INO80D: variants seen among roughly 807,000 people sequenced by gnomAD.
The protein encoded by INO80D is INO80 complex subunit D.
A neutral mutation model predicts 87.6 loss-of-function variants in INO80D; 21 were observed. That is an observed-to-expected ratio of 0.24 (90% confidence interval 0.17 to 0.35). The LOEUF (loss-of-function observed/expected upper bound fraction) is 0.35. Ranked by LOEUF, INO80D falls within the 10% of genes least tolerant of loss-of-function variation. The pLI is 1.00. For synonymous variants in INO80D, 440 were observed against 491.0 expected (o/e 0.90, Z 1.37); for missense variants, 982 against 1,280.7 (o/e 0.77, Z 3.56).
Position 206,004,741 on chromosome 2 carries a change from C to A in INO80D, c.2711G>T (p.Ser904Ile), listed in dbSNP as rs373301575. 6.2e-7 allele frequency: 1 copy of A among 1,613,786 alleles called. No homozygotes were observed. Among genetic ancestry groups the A allele is most frequent in the African/African-American group, 1.3e-5 (1 of 74,890 alleles). ...ATGTCCATCTGCGCCGAGAAGGTTG[C>A]TAAATGGAGAGGGGTCTCCAAGGTT... Reference protein sequence around the residue: ...PVNLGDPSPFSNLLGADGHLL... With the variant: ...PVNLGDPSPFINLLGADGHLL... The change falls in exon 11 of 11, where the codon AGC becomes ATC. Residue 904 changes from serine to isoleucine, a missense_variant. Ser to Ile is a moderately radical substitution (Grantham distance 142). Coordinates refer to ENST00000403263, the MANE Select transcript of INO80D (RefSeq NM_017759.5). The surrounding 1 kb of genome is among the most constrained non-coding windows in gnomAD (Gnocchi z 4.9).
At chr2:206,012,961 T>C (rs1688218784) in intron 8 of INO80D, among the ~76,000 whole-genome samples, 1 of 150,536 alleles carries the variant, frequency 6.6e-6, no homozygotes, top group Admixed American at 6.6e-5. Flanking sequence ...GGGGTACAAG[T>C]GCTTCTTATA....
chr2:206,075,039 C>CAAAAAAAAAAAAAAAAA (rs56081344), intron 1 of INO80D, among the ~76,000 whole-genome samples: 5 of 117,722 alleles, frequency 4.2e-5, no homozygotes, highest in African/African-American at 1.0e-4. Context: ...AACTCCATCT[C>CAAAAAAAAAAAAAAAAA]AAAAAAAAAA....
At chr2:206,057,515 G>GT (rs1559457385) in intron 3 of INO80D, among the ~76,000 whole-genome samples, 1 of 152,134 alleles carries the variant, frequency 6.6e-6, no homozygotes, top group East Asian at 1.9e-4. Flanking sequence ...ATAGCCAGAT[G>GT]TAAGTACATG....
At chr2:206,046,952 T>C (rs1485560576) in intron 4 of INO80D, among the ~76,000 whole-genome samples, 3 of 152,142 alleles carry the variant, frequency 2.0e-5, no homozygotes, top group Non-Finnish European at 4.4e-5. Context: ...AGCTAATTTT[T>C]GTATTTTTAG....
chr2:206,078,061 CAAAAAAAAAA>C (rs71410859), intron 1 of INO80D, among the ~76,000 whole-genome samples: 151 of 63,056 alleles, frequency 2.4e-3, no homozygotes, highest in Non-Finnish European at 3.0e-3. Context: ...GCAATGTTTA[CAAAAAAAAAA>C]AAAAAAAAAA....
intron 1 of INO80D, among the ~76,000 whole-genome samples, chr2:206,073,803 C>A (rs1444863861): frequency 6.6e-6 from 1 of 152,214 alleles, no homozygotes; most frequent in East Asian, 1.9e-4. Flanking sequence ...GCCTAAGCCA[C>A]CATGCTCAGC....
chr2:206,068,794 G>T (rs559173482), intron 1 of INO80D, among the ~76,000 whole-genome samples: 1 of 151,992 alleles, frequency 6.6e-6, no homozygotes, highest in East Asian at 1.9e-4. Flanking sequence ...CAACCTCCAG[G>T]GCTCAAGCAA....
chr2:206,045,469 A>G (rs1689169748), intron 5 of INO80D, among the ~76,000 whole-genome samples: 1 of 152,206 alleles, frequency 6.6e-6, no homozygotes, highest in African/African-American at 2.4e-5. Flanking sequence ...TTTGGTAGAC[A>G]AGGATCTATC....
chr2:206,075,599 G>A (rs909392016), intron 1 of INO80D, among the ~76,000 whole-genome samples: 11 of 151,552 alleles, frequency 7.3e-5, no homozygotes, highest in East Asian at 2.0e-4. Flanking sequence ...ACCATGCCCC[G>A]CTAATTTTTG....
At chr2:206,061,610 T>C (rs967521840) in intron 3 of INO80D, among the ~76,000 whole-genome samples, 1 of 152,228 alleles carries the variant, frequency 6.6e-6, no homozygotes, top group Non-Finnish European at 1.5e-5. Context: ...AGCAGCTGTT[T>C]CTAACTTTCA....
chr2:206,081,572 G>C (rs1015420332), intron 1 of INO80D, among the ~76,000 whole-genome samples: 1 of 151,938 alleles, frequency 6.6e-6, no homozygotes, highest in African/African-American at 2.4e-5. Context: ...GGGCAACATG[G>C]GGAAACCCTG....
rs1687767108 is a variant in INO80D at position 205,994,240 on chromosome 2, A to AT, written c.*10127dup. On this transcript the variant is annotated 3_prime_UTR_variant, in exon 11 of 11. Coordinates refer to ENST00000403263, the MANE Select transcript of INO80D (RefSeq NM_017759.5). ...CTATGAACACAAATACAGAGGAGAGATTGTCAGTTTGTAAGTTCCCTTTAA... is the reference window on the plus strand; with the variant it reads ...CTATGAACACAAATACAGAGGAGAGATTTGTCAGTTTGTAAGTTCCCTTTAA... 6.6e-6 allele frequency: 1 copy of AT among 152,282 alleles called. No individual in the cohort carries two copies. Among genetic ancestry groups the AT allele is most frequent in the Admixed American group, 6.5e-5 (1 of 15,294 alleles). The allele number at this position is 152,282 out of a possible 1,614,324, so 9.4% of individuals were successfully genotyped here. A position where few individuals can be genotyped will look rare whatever the true frequency, so the allele number is the denominator to read the frequency against.
At chr2:206,078,059 T>TAAAAAAAAAAAAAAA (rs1559467210) in intron 1 of INO80D, among the ~76,000 whole-genome samples, 1 of 8,948 alleles carries the variant, frequency 1.1e-4, no homozygotes, top group Non-Finnish European at 2.4e-4. Context: ...TTGCAATGTT[T>TAAAAAAAAAAAAAAA]ACAAAAAAAA....
chr2:206,044,327 C>T (rs1689135946), intron 5 of INO80D, among the ~76,000 whole-genome samples: 1 of 151,764 alleles, frequency 6.6e-6, no homozygotes, highest in African/African-American at 2.4e-5. Context: ...TAAAAATATA[C>T]AGTGCTCCCT....
chr2:206,019,964 G>A, intron 6 of INO80D, 119 bp from the exon 7 acceptor site: 1 of 591,494 alleles, frequency 1.7e-6, no homozygotes, highest in Admixed American at 3.1e-5. Flanking sequence ...AACATCTACA[G>A]TCACTAAATA....
intron 5 of INO80D, among the ~76,000 whole-genome samples, chr2:206,028,628 CCT>C (rs1688680279): frequency 6.6e-6 from 1 of 151,932 alleles, no homozygotes; most frequent in African/African-American, 2.4e-5. Context: ...ACTAGAGACC[CCT>C]GAGGAAAAAA....
chr2:206,070,450 G>A (rs1689930930), intron 1 of INO80D, among the ~76,000 whole-genome samples: 2 of 151,692 alleles, frequency 1.3e-5, no homozygotes, highest in Admixed American at 1.3e-4. Flanking sequence ...GCCAGGCGCG[G>A]TGGCTCATGC....
At chr2:206,039,346 G>A (rs994901937) in intron 5 of INO80D, among the ~76,000 whole-genome samples, 1 of 151,876 alleles carries the variant, frequency 6.6e-6, no homozygotes, top group Non-Finnish European at 1.5e-5. Context: ...GCGGTGAGCC[G>A]AGATTGCGCC....
chr2:206,004,609 A>G lies in INO80D; in HGVS notation c.2843T>C (p.Leu948Ser), dbSNP rs1250133060. 1 of 1,612,686 alleles carries G rather than the reference A, an allele frequency of 6.2e-7. No individual in the cohort carries two copies. Among genetic ancestry groups the G allele is most frequent in the East Asian group, 2.2e-5 (1 of 44,836 alleles). ...TPSSSSVLPG[L>S]PQTSFSGMGP... Reference sequence around the variant, plus strand: ...CATGCCACTGAAGCTGGTCTGTGGTAACCCCGGAAGCACACTGGAGCTGCT... The same window carrying G: ...CATGCCACTGAAGCTGGTCTGTGGTGACCCCGGAAGCACACTGGAGCTGCT... The change falls in exon 11 of 11, where the codon TTA becomes TCA. Residue 948 changes from leucine to serine, a missense_variant. By Grantham distance (145) the Leu-to-Ser change is moderately radical. Transcript: ENST00000403263. This position sits in a 1 kb window ranked among gnomAD's most constrained non-coding sequence, Gnocchi z 4.9.
Sources: allele counts gnomAD v4.1 joint callset (sites outside exome capture counted in the v4.1 genomes callset), GRCh38; gene constraint gnomAD v4.1.1; non-coding constraint Gnocchi (gnomAD v3.1); transcripts MANE v1.5; gene names NCBI Gene and HGNC (gene_info 2026-07-23, HGNC 2026-07-21).